SLC6A5: variants seen among roughly 807,000 people sequenced by gnomAD.
SLC6A5 encodes the protein solute carrier family 6 member 5.
In SLC6A5, 58 loss-of-function variants were observed where a neutral mutation model predicts 90.5. The ratio of observed to expected loss-of-function variants is 0.64; its 90% CI spans 0.52 to 0.80. The LOEUF (loss-of-function observed/expected upper bound fraction) is 0.80. Ranked by LOEUF, SLC6A5 falls within the 30% of genes least tolerant of loss-of-function variation. SLC6A5 has a pLI of 0.00. For missense variants in SLC6A5, 1,015 were observed against 1,017.6 expected (o/e 1.00, Z 0.03); for synonymous variants, 427 against 401.4 (o/e 1.06, Z -0.76).
chr11:20,616,793 C>T (rs1380204153), intron 6 of SLC6A5, among the ~76,000 whole-genome samples: 1 of 152,188 alleles, frequency 6.6e-6, no homozygotes, highest in Non-Finnish European at 1.5e-5. Flanking sequence ...GCCAAACAGC[C>T]TCTCAAGCTA....
intron 14 of SLC6A5, among the ~76,000 whole-genome samples, chr11:20,647,851 T>C (rs1853450721): frequency 6.6e-6 from 1 of 152,210 alleles, no homozygotes. Context: ...TAATATAGCA[T>C]TAAGCTTTTA....
intron 15 of SLC6A5, 49 bp from the exon 16 acceptor site, chr11:20,654,664 G>T (rs752988915): frequency 8.7e-6 from 14 of 1,604,202 alleles, no homozygotes; most frequent in Admixed American, 5.0e-5. Flanking sequence ...CCCCAGGTGA[G>T]GAAGGTGCAC....
intron 10 of SLC6A5, among the ~76,000 whole-genome samples, chr11:20,634,428 A>G (rs1183144975): frequency 2.0e-5 from 3 of 152,232 alleles, no homozygotes; most frequent in Admixed American, 2.0e-4. Flanking sequence ...AGCAGACTGA[A>G]TATTTTGAAA....
At chr11:20,611,839 G>A (rs1025209377) in intron 5 of SLC6A5, among the ~76,000 whole-genome samples, 10 of 151,684 alleles carry the variant, frequency 6.6e-5, no homozygotes, top group African/African-American at 2.2e-4. Context: ...CATTCTCTGT[G>A]TTATCAGCAC....
chr11:20,648,650 A>T (rs1565289954), intron 14 of SLC6A5, among the ~76,000 whole-genome samples: 1 of 152,152 alleles, frequency 6.6e-6, no homozygotes, highest in Non-Finnish European at 1.5e-5. Flanking sequence ...TCTCTACTGC[A>T]CTTGCCCTCT....
chr11:20,641,852 GAGA>G (rs1853320486), intron 13 of SLC6A5, among the ~76,000 whole-genome samples: 1 of 152,140 alleles, frequency 6.6e-6, no homozygotes, highest in South Asian at 2.1e-4. Flanking sequence ...AGACACTGAG[GAGA>G]AGGACAGTGC....
chr11:20,637,850 C>T (rs1054222798), intron 12 of SLC6A5, among the ~76,000 whole-genome samples: 8 of 151,968 alleles, frequency 5.3e-5, no homozygotes, highest in African/African-American at 7.3e-5. Context: ...TCTTCCAGTC[C>T]CAAGTGTCTT....
chr11:20,652,119 C>T (rs951283525), intron 14 of SLC6A5, among the ~76,000 whole-genome samples, 170 bp from the exon 15 acceptor site: 5 of 152,140 alleles, frequency 3.3e-5, no homozygotes, highest in Non-Finnish European at 7.4e-5. Flanking sequence ...ATTTCCATCT[C>T]TTTGAAATTT....
At chr11:20,643,741 G>A (rs1011006190) in intron 13 of SLC6A5, among the ~76,000 whole-genome samples, 23 of 152,162 alleles carry the variant, frequency 1.5e-4, no homozygotes, top group African/African-American at 4.1e-4. Context: ...ATTTTAGAGT[G>A]AGCTGGGAAA....
Position 20,638,536 on chromosome 11 carries a change from C to T in SLC6A5, c.1947C>T (p.Leu649=), listed in dbSNP as rs544171142. Residue 649 remains leucine, a synonymous_variant, in exon 13 of 16, where the codon CTC becomes CTT. Coordinates refer to ENST00000525748, the MANE Select transcript of SLC6A5 (RefSeq NM_004211.5). ...YALVIIAIFE[L]VGISYVYGLQ... The stretch of plus-strand genomic sequence containing the variant: ...TTGTCATCATTGCCATTTTTGAGCT[C>T]GTGGGGATCTCTTATGTGTATGGTA... 8.7e-6 allele frequency: 14 copies of T among 1,609,484 alleles called. No homozygotes were observed. The highest frequency in any genetic ancestry group is 2.7e-5 in the African/African-American group (2 of 74,788).
At chr11:20,647,359 TATATATA>T in intron 14 of SLC6A5, among the ~76,000 whole-genome samples, 1 of 137,800 alleles carries the variant, frequency 7.3e-6, no homozygotes, top group Admixed American at 7.9e-5. Context: ...TATATAGTTA[TATATATA>T]ACTATATATT....
chr11:20,652,235 G>C (rs1205218935), intron 14 of SLC6A5, 54 bp from the exon 15 acceptor site: 2 of 1,543,666 alleles, frequency 1.3e-6, no homozygotes, highest in African/African-American at 2.7e-5. Context: ...AGTGTTGAGT[G>C]CTTGAATAAT....
At position 20,636,299 on chromosome 11, in the gene SLC6A5, C is replaced by G. The variant is rs776225103; in HGVS notation, c.1625-8C>G. The stretch of plus-strand genomic sequence containing the variant: ...CCTGCCTGCAATCATCTGTCTTGTT[C>G]CTTCCAGGGCCAGGCATTGCATTTG... On this transcript the variant is annotated splice_polypyrimidine_tract_variant and splice_region_variant and intron_variant, in intron 10 of 15. Coordinates refer to ENST00000525748, the MANE Select transcript of SLC6A5 (RefSeq NM_004211.5). 1.3e-6 allele frequency: 2 copies of G among 1,585,736 alleles called. No individual in the cohort carries two copies. Among genetic ancestry groups the G allele is most frequent in the South Asian group, 2.2e-5 (2 of 90,524 alleles).
chr11:20,607,965 C>T (rs894421191), intron 5 of SLC6A5, among the ~76,000 whole-genome samples: 9 of 152,140 alleles, frequency 5.9e-5, no homozygotes, highest in Non-Finnish European at 1.3e-4. Context: ...TTTAACAAGT[C>T]GTTGTAGAAT....
At chr11:20,599,783 G>A in intron 1 of SLC6A5, 108 bp downstream of exon 1, 5 of 1,255,892 alleles carry the variant, frequency 4.0e-6, no homozygotes, top group Non-Finnish European at 4.6e-6. Flanking sequence ...TGGGTGGGGG[G>A]AAAGGGGGCG....
Position 20,615,618 on chromosome 11 carries a change from C to T in SLC6A5, c.1127+798C>T, listed in dbSNP as rs577749535. On this transcript the variant is annotated intron_variant, in intron 6 of 15. Transcript: ENST00000525748. ...TCCTGACCTTGTGATCTGCTTGCCA[C>T]GGCCTCCCAAAGTGCTGGGATTACA... Among the ~76,000 whole-genome samples, 10 of 152,298 alleles carry T rather than the reference C, an allele frequency of 6.6e-5. No individual in the cohort carries two copies. The East Asian group carries it at 7.7e-4, about 12-fold the overall frequency.
chr11:20,617,971 TC>T lies in SLC6A5; in HGVS notation c.1260+88del. 3.7e-6 allele frequency: 5 copies of T among 1,358,384 alleles called. No homozygotes were observed. In the South Asian group the frequency reaches 5.9e-5, roughly 16 times the overall value. 84.1% of individuals were successfully genotyped at this position (1,358,384 alleles called of 1,614,324 possible). A position where few individuals can be genotyped will look rare whatever the true frequency, so the allele number is the denominator to read the frequency against. ...AGCAGGCAGAGCACTGGAAAGAGAG[TC>T]AGGAGCTGTGGATGCTAATTCTGAC... On this transcript the variant is annotated intron_variant, in intron 7 of 15. Coordinates refer to ENST00000525748, the MANE Select transcript of SLC6A5 (RefSeq NM_004211.5).
chr11:20,606,398 A>C (rs533850823), intron 3 of SLC6A5, among the ~76,000 whole-genome samples: 2 of 152,324 alleles, frequency 1.3e-5, no homozygotes, highest in South Asian at 4.1e-4. Flanking sequence ...ATTTGAGTTG[A>C]CCTTGAAGGA....
At chr11:20,643,115 C>T (rs1216360190) in intron 13 of SLC6A5, among the ~76,000 whole-genome samples, 3 of 152,116 alleles carry the variant, frequency 2.0e-5, no homozygotes, top group South Asian at 2.1e-4. Context: ...CCTATCATAT[C>T]GGTGTCCCCA....
Sources: allele counts gnomAD v4.1 joint callset (sites outside exome capture counted in the v4.1 genomes callset), GRCh38; gene constraint gnomAD v4.1.1; transcripts MANE v1.5; gene names NCBI Gene and HGNC (gene_info 2026-07-23, HGNC 2026-07-21).